The following TENM3 variants were observed in gnomAD, a reference collection of about 807,000 sequenced individuals.
The protein encoded by TENM3 is teneurin-3.
TENM3 carries 63 observed loss-of-function variants against 255.1 expected under a neutral mutation model. That is an observed-to-expected ratio of 0.25 (90% CI 0.20 to 0.30). The LOEUF (loss-of-function observed/expected upper bound fraction) is 0.30. TENM3 is among the 10% of genes least tolerant of loss of function. The pLI, the probability that TENM3 is intolerant of heterozygous loss-of-function variation, is 1.00. For missense variants in TENM3, 2,929 were observed against 3,461.1 expected (o/e 0.85, Z 3.86); for synonymous variants, 1,306 against 1,322.3 (o/e 0.99, Z 0.27).
At chr4:182,282,995 A>G (rs1288107266) in intron 1 of TENM3, among the ~76,000 whole-genome samples, 1 of 152,132 alleles carries the variant, frequency 6.6e-6, no homozygotes, top group African/African-American at 2.4e-5. Context: ...AAGGACTAAA[A>G]TAGAATTACT....
rs192257777 is a variant in TENM3 at position 182,737,006 on chromosome 4, G to A, written c.3166G>A (p.Ala1056Thr). Residue 1056 changes from alanine (A) to threonine (T), a missense_variant, in exon 17 of 28, where the codon GCC (alanine) becomes ACC (threonine). This residue lies in a region of TENM3 where 1,608 missense variants were observed against 1,884.4 expected (regional missense o/e 0.85). Coordinates refer to ENST00000511685, the MANE Select transcript of TENM3 (RefSeq NM_001080477.4). ...GTGGTTTCCTGCCTCACCAAACTTG[G>A]CCTATACTTTCATATGGGATAAAAC... The part of the protein sequence containing the change: ...QKWFPASPNL[A>T]YTFIWDKTDA... The A allele has an allele frequency of 5.6e-6, 9 of 1,613,752 alleles. No homozygotes were observed. In the Admixed American group the frequency reaches 1.0e-4, roughly 18 times the overall value.
chr4:182,387,308 C>T (rs940939298), intron 3 of TENM3, among the ~76,000 whole-genome samples: 5 of 152,162 alleles, frequency 3.3e-5, no homozygotes, highest in Non-Finnish European at 7.4e-5. Context: ...CTGGTGGGGC[C>T]TTGGAGAACC....
intron 1 of TENM3, among the ~76,000 whole-genome samples, chr4:182,276,232 C>G (rs1759991202): frequency 6.6e-6 from 1 of 152,210 alleles, no homozygotes; most frequent in African/African-American, 2.4e-5. Context: ...CACATAAGCA[C>G]AGAGCATGAG....
chr4:181,624,460 C>A, the TENM3 span, among the ~76,000 whole-genome samples: 1 of 152,184 alleles, frequency 6.6e-6, no homozygotes. Context: ...TAGTAAACAG[C>A]CTCATGACTG....
intron 4 of TENM3, among the ~76,000 whole-genome samples, chr4:182,608,044 G>C (rs1203453723): frequency 1.3e-5 from 2 of 152,072 alleles, no homozygotes; most frequent in Non-Finnish European, 2.9e-5. Flanking sequence ...TCTTCCTCTC[G>C]AGCAACTGTT....
intron 1 of TENM3, among the ~76,000 whole-genome samples, chr4:182,225,581 G>A (rs532067156): frequency 1.8e-4 from 27 of 152,304 alleles, no homozygotes; most frequent in African/African-American, 6.0e-4. Context: ...AGTGACTGAC[G>A]ACAGCGGGAG....
At chr4:181,669,800 G>C in the TENM3 span, among the ~76,000 whole-genome samples, 5 of 152,224 alleles carry the variant, frequency 3.3e-5, no homozygotes, top group African/African-American at 1.2e-4. Context: ...AGCCCACTCT[G>C]TTTAAGAATG....
intron 12 of TENM3, among the ~76,000 whole-genome samples, chr4:182,693,050 C>T (rs1473691080): frequency 6.6e-6 from 1 of 151,980 alleles, no homozygotes; most frequent in Non-Finnish European, 1.5e-5. Context: ...TTTTGTTTTT[C>T]CTATGGCATT....
chr4:182,551,148 G>A (rs1580906877), intron 3 of TENM3, among the ~76,000 whole-genome samples: 1 of 151,888 alleles, frequency 6.6e-6, no homozygotes, highest in Non-Finnish European at 1.5e-5. Flanking sequence ...CTTGAACCCG[G>A]GAGGTGGAGG....
chr4:182,691,094 C>T (rs1364200625), intron 12 of TENM3, among the ~76,000 whole-genome samples: 1 of 152,234 alleles, frequency 6.6e-6, no homozygotes, highest in Non-Finnish European at 1.5e-5. Context: ...TTCCTTACTA[C>T]CTGTGTATAT....
intron 1 of TENM3, among the ~76,000 whole-genome samples, chr4:182,209,250 G>A (rs1443053545): frequency 2.7e-5 from 4 of 150,654 alleles, no homozygotes; most frequent in African/African-American, 9.8e-5. Context: ...TTACAGGCGT[G>A]AGCCACCGCA....
the TENM3 span, among the ~76,000 whole-genome samples, chr4:181,883,126 C>CTTTTTTTTTTTGTTTTTTTTTTTTTTTTT: frequency 9.4e-6 from 1 of 106,690 alleles, no homozygotes; most frequent in African/African-American, 3.5e-5. Flanking sequence ...TGCAATTAAT[C>CTTTTTTTTTTTGTTTTTTTTTTTTTTTTT]TTTTTTTTTT....
chr4:182,605,204 G>A (rs989950478), intron 4 of TENM3, among the ~76,000 whole-genome samples: 2 of 152,114 alleles, frequency 1.3e-5, no homozygotes, highest in Non-Finnish European at 2.9e-5. Context: ...CATTAGTGAG[G>A]TAGTAAGTAG....
chr4:182,509,179 A>G (rs1232983642), intron 3 of TENM3, among the ~76,000 whole-genome samples: 1 of 152,160 alleles, frequency 6.6e-6, no homozygotes. Flanking sequence ...GTATAAATGG[A>G]TTTCAAACCG....
chr4:182,098,955 C>CTTTT, the TENM3 span, among the ~76,000 whole-genome samples: 3,326 of 133,102 alleles, frequency 0.025, 133 homozygotes, highest in African/African-American at 0.03. Context: ...GTGCACAACT[C>CTTTT]TTTTTTTCTT....
the TENM3 span, among the ~76,000 whole-genome samples, chr4:181,799,586 C>A: frequency 6.6e-6 from 1 of 152,196 alleles, no homozygotes; most frequent in Non-Finnish European, 1.5e-5. Flanking sequence ...CAGAAAATAG[C>A]AGCAGACATG....
the TENM3 span, among the ~76,000 whole-genome samples, chr4:182,019,285 C>A: frequency 6.6e-6 from 1 of 152,208 alleles, no homozygotes; most frequent in South Asian, 2.1e-4. Flanking sequence ...CCCTCTGAGT[C>A]ATGCTGGCTG....
At chr4:182,698,610 A>G (rs956176310) in intron 12 of TENM3, among the ~76,000 whole-genome samples, 1 of 152,160 alleles carries the variant, frequency 6.6e-6, no homozygotes, top group Admixed American at 6.5e-5. Context: ...TTTTCCACTA[A>G]AGAATTTCCC....
At chr4:181,805,768 A>G in the TENM3 span, among the ~76,000 whole-genome samples, 6 of 152,146 alleles carry the variant, frequency 3.9e-5, no homozygotes, top group Non-Finnish European at 8.8e-5. Context: ...CTGAAGCAAT[A>G]AAGAGTTAGA....
Sources: gnomAD v4.1 joint callset for allele counts (sites outside exome capture counted in the v4.1 genomes callset) on GRCh38, gnomAD v4.1.1 for gene constraint, gnomAD v4.1.1 regional missense constraint, MANE v1.5 for transcripts, NCBI Gene and HGNC (gene_info 2026-07-23, HGNC 2026-07-21) for gene names.